Variants in RORA observed in about 807,000 individuals in gnomAD.
RORA encodes nuclear receptor ROR-alpha.
In RORA, 7 loss-of-function variants were observed where a neutral mutation model predicts 69.5. That is an observed-to-expected ratio of 0.10 (90% confidence interval 0.06 to 0.19). The LOEUF is 0.19. Ranked by LOEUF, RORA falls within the 10% of genes least tolerant of loss-of-function variation. The pLI, the probability that RORA is intolerant of heterozygous loss-of-function variation, is 1.00. For missense variants in RORA, 457 were observed against 663.0 expected (o/e 0.69, Z 3.41); for synonymous variants, 261 against 240.8 (o/e 1.08, Z -0.78).
At chr15:61,124,200 C>T (rs1272383490) in intron 1 of RORA, among the ~76,000 whole-genome samples, 1 of 152,206 alleles carries the variant, frequency 6.6e-6, no homozygotes, top group Non-Finnish European at 1.5e-5. Context: ...GGCTGCTTTT[C>T]CTTTAAGCAA....
At chr15:61,211,284 CAAAAAAAAA>C (rs58967697) in intron 1 of RORA, among the ~76,000 whole-genome samples, 4 of 93,264 alleles carry the variant, frequency 4.3e-5, no homozygotes, top group Non-Finnish European at 6.6e-5. Context: ...AAAACAACAG[CAAAAAAAAA>C]AAAAAAAAAA....
chr15:60,739,976 T>A (rs1468073472), intron 1 of RORA, among the ~76,000 whole-genome samples: 3 of 151,828 alleles, frequency 2.0e-5, no homozygotes, highest in African/African-American at 7.3e-5. Flanking sequence ...GAAAGAGAGG[T>A]TCCATCCAAA....
At chr15:60,940,851 C>G (rs996325856) in intron 1 of RORA, among the ~76,000 whole-genome samples, 7 of 152,124 alleles carry the variant, frequency 4.6e-5, no homozygotes, top group East Asian at 1.9e-4. Flanking sequence ...TGTTTGAACT[C>G]GGGAGGCAAA....
chr15:60,931,282 C>T (rs1892365285), intron 1 of RORA, among the ~76,000 whole-genome samples: 1 of 152,168 alleles, frequency 6.6e-6, no homozygotes, highest in South Asian at 2.1e-4. Flanking sequence ...AGCCCCTGTC[C>T]CAGAAGTGAA....
intron 1 of RORA, among the ~76,000 whole-genome samples, chr15:61,118,019 T>A (rs2079066126): frequency 6.6e-6 from 1 of 152,224 alleles, no homozygotes; most frequent in African/African-American, 2.4e-5. Context: ...AACAAAGGCG[T>A]ATTCGGTTTG....
chr15:60,614,323 A>G (rs958995998), intron 2 of RORA, among the ~76,000 whole-genome samples: 13 of 152,148 alleles, frequency 8.5e-5, no homozygotes, highest in Admixed American at 7.9e-4. Flanking sequence ...ACAATTTTGG[A>G]GCATGGGCCA....
intron 1 of RORA, among the ~76,000 whole-genome samples, chr15:60,979,276 T>TTA (rs563555280): frequency 2.7e-4 from 17 of 63,762 alleles, no homozygotes; most frequent in Non-Finnish European, 5.8e-4. Context: ...TGCTTTTTTT[T>TTA]TTTTTTTTTT....
At chr15:60,646,934 C>G (rs748708370) in intron 2 of RORA, among the ~76,000 whole-genome samples, 3 of 152,198 alleles carry the variant, frequency 2.0e-5, no homozygotes, top group African/African-American at 7.2e-5. Flanking sequence ...GCAGAAAATA[C>G]AAAGTGCAGC....
At chr15:60,885,523 G>A (rs575338866) in intron 1 of RORA, among the ~76,000 whole-genome samples, 1 of 152,306 alleles carries the variant, frequency 6.6e-6, no homozygotes, top group South Asian at 2.1e-4. Flanking sequence ...TAACAAAATG[G>A]TTGCGGCTTT....
rs527884510 is a variant in RORA at position 60,846,512 on chromosome 15, T to C, written c.167-167826A>G. Among the ~76,000 whole-genome samples the C allele has an allele frequency of 5.3e-5, 8 of 152,324 alleles. No homozygotes were observed. The South Asian group carries it at 1.4e-3, about 28-fold the overall frequency. On this transcript the variant is annotated intron_variant, in intron 1 of 10. Coordinates refer to ENST00000335670, the MANE Select transcript of RORA (RefSeq NM_134261.3). ...TCCACCCCTTTTTGGAATGCAGATA[T>C]AGATTGCTCCAGATTTCAGGAACAC... is the stretch of plus-strand genomic sequence containing the variant.
chr15:60,707,303 C>A (rs572231338), intron 1 of RORA, among the ~76,000 whole-genome samples: 1 of 152,026 alleles, frequency 6.6e-6, no homozygotes, highest in Admixed American at 6.6e-5. Context: ...GAATATTTCC[C>A]TTTAAGCATC....
intron 1 of RORA, among the ~76,000 whole-genome samples, chr15:60,799,783 G>A (rs1177025343): frequency 1.3e-5 from 2 of 152,160 alleles, no homozygotes; most frequent in African/African-American, 4.8e-5. Flanking sequence ...ATAGCAGAGA[G>A]GTAGATAACG....
intron 1 of RORA, among the ~76,000 whole-genome samples, chr15:61,047,000 C>T (rs1019664613): frequency 2.0e-5 from 3 of 152,234 alleles, no homozygotes; most frequent in Admixed American, 6.5e-5. Flanking sequence ...AGTTCTCAAC[C>T]GCTGAGGCAG....
At chr15:61,030,137 A>T (rs1896076042) in intron 1 of RORA, among the ~76,000 whole-genome samples, 1 of 152,198 alleles carries the variant, frequency 6.6e-6, no homozygotes, top group African/African-American at 2.4e-5. Context: ...GAAGTCAAGG[A>T]AACGCTAAGG....
At chr15:61,151,129 C>G (rs1596029420) in intron 1 of RORA, among the ~76,000 whole-genome samples, 1 of 152,254 alleles carries the variant, frequency 6.6e-6, no homozygotes, top group South Asian at 2.1e-4. Context: ...CCAATGTAGC[C>G]TTAGATTTCT....
At position 60,846,792 on chromosome 15, in the gene RORA, A is replaced by G. The variant is rs73428382; in HGVS notation, c.167-168106T>C. Among the ~76,000 whole-genome samples the G allele has an allele frequency of 7.3e-3, 1,112 of 152,368 alleles. 14 individuals carry two copies. Among genetic ancestry groups the G allele is most frequent in the African/African-American group, 0.026 (1,061 of 41,580 alleles). On this transcript the variant is annotated intron_variant, in intron 1 of 10. Transcript: ENST00000335670. The stretch of plus-strand genomic sequence containing the variant: ...ACAGATTGCTGGTTCTAAATAGGAT[A>G]TTCTAATAAACATTGCTATTGTTTT...
intron 2 of RORA, among the ~76,000 whole-genome samples, chr15:60,619,726 G>C (rs1019366983): frequency 6.6e-6 from 1 of 152,160 alleles, no homozygotes; most frequent in South Asian, 2.1e-4. Flanking sequence ...TATCACACAA[G>C]GATCATCCAT....
chr15:61,149,752 C>T (rs2079382066), intron 1 of RORA, among the ~76,000 whole-genome samples: 1 of 152,118 alleles, frequency 6.6e-6, no homozygotes, highest in Admixed American at 6.5e-5. Flanking sequence ...ATCCTGATAC[C>T]CCAGAGGAGA....
At chr15:61,055,180 A>C (rs1284722631) in intron 1 of RORA, among the ~76,000 whole-genome samples, 2 of 146,738 alleles carry the variant, frequency 1.4e-5, no homozygotes, top group Admixed American at 6.7e-5. Context: ...CAAGGTGCTA[A>C]AGGTGCCACT....
Sources: gnomAD v4.1 joint callset for allele counts (sites outside exome capture counted in the v4.1 genomes callset) on GRCh38, gnomAD v4.1.1 for gene constraint, MANE v1.5 for transcripts, NCBI Gene and HGNC (gene_info 2026-07-23, HGNC 2026-07-21) for gene names.